The following USF3 variants were observed in gnomAD, a reference collection of about 807,000 sequenced individuals.
USF3 encodes basic helix-loop-helix domain-containing protein USF3.
Under a neutral mutation model 157.5 loss-of-function variants are expected in USF3, and 29 were observed. The observed-to-expected ratio is 0.18, with a 90% CI of 0.14 to 0.25. The LOEUF is 0.25. USF3 is among the 10% of genes least tolerant of loss of function. The pLI is 1.00. For synonymous variants in USF3, 893 were observed against 941.4 expected (o/e 0.95, Z 0.94); for missense variants, 2,381 against 2,667.6 (o/e 0.89, Z 2.37).
intron 5 of USF3, 36 bp downstream of exon 5, chr3:113,670,085 A>G (rs1274478935): frequency 5.1e-6 from 7 of 1,359,676 alleles, no homozygotes; most frequent in Non-Finnish European, 7.4e-6. Context: ...TTGTCTGTTC[A>G]TAAGTAATGA....
At position 113,658,905 on chromosome 3, in the gene USF3, G is replaced by A. The variant is rs767764500; in HGVS notation, c.2777C>T (p.Pro926Leu). ...AGCATCTGATAATGCTAAACTACTT[G>A]GTGGTTTATCCTGAGATGTCTCTTG... is the stretch of plus-strand genomic sequence containing the variant. The part of the protein sequence containing the change: ...LQQETSQDKP[P>L]SSLALSDAAK... Residue 926 changes from proline to leucine, a missense_variant, in exon 7 of 7, where the codon CCA (proline) becomes CTA (leucine). Pro to Leu is a moderately conservative substitution (Grantham distance 98). Transcript: ENST00000316407. 3 of 1,613,962 alleles carry A rather than the reference G, an allele frequency of 1.9e-6. No individual in the cohort carries two copies. The Admixed American group carries it at 5.0e-5, about 27-fold the overall frequency.
chr3:113,664,295 GA>G lies in USF3; in HGVS notation c.256+17del, dbSNP rs1947530218. The G allele has an allele frequency of 2.1e-6, 3 of 1,450,068 alleles. No individual in the cohort carries two copies. The Admixed American group carries it at 5.9e-5, about 28-fold the overall frequency. 89.8% of individuals were successfully genotyped at this position (1,450,068 alleles called of 1,614,324 possible). A position where few individuals can be genotyped will look rare whatever the true frequency, so the allele number is the denominator to read the frequency against. ...CATTTTAAAATACAACAAAAAGTAA[GA>G]ACTTTTAAATCTTTACCTTGTTCAT... On this transcript the variant is annotated intron_variant, in intron 6 of 6. Coordinates refer to ENST00000316407, the MANE Select transcript of USF3 (RefSeq NM_001009899.4).
At position 113,656,186 on chromosome 3, in the gene USF3, G is replaced by A. The variant is rs374611531; in HGVS notation, c.5496C>T (p.Val1832=). The change falls in exon 7 of 7, where the codon GTC becomes GTT. Residue 1832 remains valine, a synonymous_variant. Transcript: ENST00000316407. ...CTGAGAGTGACCTCTGGCTCCCAAT[G>A]ACCTGATCACTGAGGTGAGGGGCAA... ...SLLAPHLSDQ[V]IGSQRSLSEH... is the part of the protein sequence containing the mutation. 18 of 1,614,134 alleles carry A rather than the reference G, an allele frequency of 1.1e-5. No homozygotes were observed. The African/African-American group carries it at 1.6e-4, about 14-fold the overall frequency.
intron 1 of USF3, among the ~76,000 whole-genome samples, chr3:113,695,992 G>A (rs1381721132): frequency 6.6e-6 from 1 of 152,256 alleles, no homozygotes; most frequent in Non-Finnish European, 1.5e-5. Flanking sequence ...GACAGGAAAA[G>A]GTGAAGGAGG....
chr3:113,660,981 T>C lies in USF3; in HGVS notation c.701A>G (p.Gln234Arg). 1 of 1,614,138 alleles carries C rather than the reference T, an allele frequency of 6.2e-7. No homozygotes were observed. Among genetic ancestry groups the C allele is most frequent in the Non-Finnish European group, 8.5e-7 (1 of 1,179,998 alleles). Residue 234 changes from glutamine to arginine, a missense_variant, in exon 7 of 7, where the codon CAG (glutamine) becomes CGG (arginine). By Grantham distance (43) the Gln-to-Arg change is conservative. This residue lies in a region of USF3 where 1,435 missense variants were observed against 1,550.9 expected (regional missense o/e 0.93). Transcript: ENST00000316407. ...AGAGGTGGGAAGCTCGAGAATACTC[T>C]GAGCAGAAATGGCAGCAGGAAGACA... Reference protein sequence around the residue: ...PLCLPAAISAQSILELPTSES... With the variant: ...PLCLPAAISARSILELPTSES...
Position 113,657,949 on chromosome 3 carries a change from T to C in USF3, c.3733A>G (p.Ile1245Val). 1 of 1,614,182 alleles carries C rather than the reference T, an allele frequency of 6.2e-7. No homozygotes were observed. The highest frequency in any genetic ancestry group is 1.7e-5 in the Admixed American group (1 of 60,032). Residue 1245 changes from isoleucine (I) to valine (V), a missense_variant, in exon 7 of 7, where the codon ATC (isoleucine) becomes GTC (valine). Around this residue, in one of 6 missense-constraint regions of USF3, gnomAD observed 1,435 missense variants for 1,550.9 expected, o/e 0.93. Coordinates refer to ENST00000316407, the MANE Select transcript of USF3 (RefSeq NM_001009899.4). Reference protein sequence around the residue: ...SITSLSVNNLIHQSSISHPLA... With the variant: ...SITSLSVNNLVHQSSISHPLA... ...GGATGGCTGATGCTGCTCTGATGGA[T>C]AAGATTATTCACACTTAAACTGGTG...
At chr3:113,674,939 T>C (rs1461352693) in intron 2 of USF3, 43 bp from the exon 3 acceptor site, 17 of 1,315,992 alleles carry the variant, frequency 1.3e-5, no homozygotes, top group Admixed American at 1.8e-5. Flanking sequence ...TTAGTCATTC[T>C]AGAATCTTAC....
At chr3:113,665,800 C>T (rs1175564725) in intron 5 of USF3, among the ~76,000 whole-genome samples, 3 of 152,194 alleles carry the variant, frequency 2.0e-5, no homozygotes, top group Non-Finnish European at 4.4e-5. Flanking sequence ...TGCACTCCAG[C>T]TTGGGCAACA....
Position 113,660,129 on chromosome 3 carries a change from T to A in USF3, c.1553A>T (p.Gln518Leu), listed in dbSNP as rs1286312414. The part of the protein sequence containing the change: ...PLIAQPQVKS[Q>L]PPKNILPLNS... ...CAGTGGAAGGATATTTTTGGGAGGC[T>A]GAGATTTAACTTGTGGCTGGGCAAT... is the stretch of plus-strand genomic sequence containing the variant. Residue 518 changes from glutamine (Q) to leucine (L), a missense_variant, in exon 7 of 7, where the codon CAG becomes CTG. Coordinates refer to ENST00000316407, the MANE Select transcript of USF3 (RefSeq NM_001009899.4). 2 of 1,614,156 alleles carry A rather than the reference T, an allele frequency of 1.2e-6. No individual in the cohort carries two copies. Among genetic ancestry groups the A allele is most frequent in the Admixed American group, 3.3e-5 (2 of 60,010 alleles).
In USF3 at chr3:113,659,590, C is replaced by A. The variant is rs756195678; in HGVS notation, c.2092G>T (p.Asp698Tyr). 3 of 1,613,990 alleles carry A rather than the reference C, an allele frequency of 1.9e-6. No homozygotes were observed. The highest frequency in any genetic ancestry group is 2.5e-6 in the Non-Finnish European group (3 of 1,179,862). The change falls in exon 7 of 7, where the codon GAT becomes TAT. Residue 698 changes from aspartate to tyrosine, a missense_variant. Asp to Tyr is a radical substitution (Grantham distance 160). Coordinates refer to ENST00000316407, the MANE Select transcript of USF3 (RefSeq NM_001009899.4). ...MQIIQPTTSE[D>Y]PNTNVALNTF... ...TTCAGGGCAACATTGGTATTTGGAT[C>A]TTCGCTGGTGGTGGGTTGAATAATT...
At chr3:113,681,697 G>A (rs1260924029) in intron 1 of USF3, among the ~76,000 whole-genome samples, 3 of 149,372 alleles carry the variant, frequency 2.0e-5, no homozygotes, top group African/African-American at 7.4e-5. Flanking sequence ...ACCACACCCA[G>A]CAATATTATT....
In USF3 at chr3:113,657,633, G is replaced by A. The variant is rs750675135; in HGVS notation, c.4049C>T (p.Ala1350Val). Residue 1350 changes from alanine (A) to valine (V), a missense_variant, in exon 7 of 7, where the codon GCC becomes GTC. Around this residue, in one of 6 missense-constraint regions of USF3, gnomAD observed 1,435 missense variants for 1,550.9 expected, o/e 0.93. Transcript: ENST00000316407. ...GGACATACTTTCAAGCCTGAGGGGG[G>A]CTGGCTGACAGTGCTTTTGACGTTT... ...SAKRQKHCQPAPLRLESMSLM... is the reference protein window; with the variant it reads ...SAKRQKHCQPVPLRLESMSLM... 6.8e-6 allele frequency: 11 copies of A among 1,614,180 alleles called. No individual in the cohort carries two copies. In the South Asian group the frequency reaches 1.1e-4, roughly 16 times the overall value.
Position 113,649,824 on chromosome 3 carries a change from C to A in USF3, c.*5120G>T, listed in dbSNP as rs527954940. ...GACTGACTCAATCTAAATTTGGTGT[C>A]CCCCCTCCACAGGTTCTAGTAGAAA... On this transcript the variant is annotated 3_prime_UTR_variant, in exon 7 of 7. Transcript: ENST00000316407. The A allele has an allele frequency of 5.1e-5, 36 of 702,700 alleles. 2 individuals are homozygous for A. The highest frequency in any genetic ancestry group is 4.9e-4 in the South Asian group (33 of 67,552). 43.5% of individuals were successfully genotyped at this position (702,700 alleles called of 1,614,324 possible). A position where few individuals can be genotyped will look rare whatever the true frequency, so the allele number is the denominator to read the frequency against.
At chr3:113,673,527 A>G in intron 3 of USF3, 151 bp from the exon 4 acceptor site, 1 of 563,292 alleles carries the variant, frequency 1.8e-6, no homozygotes, top group Admixed American at 3.5e-5. Flanking sequence ...TCCTTAATAT[A>G]TATTATGGTA....
rs1304059293 is a variant in USF3, at chr3:113,655,446, G to A, written c.6236C>T (p.Ala2079Val). 6.2e-7 allele frequency: 1 copy of A among 1,614,144 alleles called. No homozygotes were observed. The change falls in exon 7 of 7, where the codon GCT becomes GTT. Residue 2079 changes from alanine (A) to valine (V), a missense_variant. By Grantham distance (64) the Ala-to-Val change is moderately conservative. This residue lies in a region of USF3 where 770 missense variants were observed against 824.2 expected (regional missense o/e 0.93). Transcript: ENST00000316407. ...AACCTGTGGAATGAAAGAAGCATTA[G>A]CATTTATTGGTGGATTCATGCCACC... Reference protein sequence around the residue: ...PEGGMNPPINANASFIPQVTQ... With the variant: ...PEGGMNPPINVNASFIPQVTQ...
At chr3:113,666,652 A>G (rs1170256580) in intron 5 of USF3, among the ~76,000 whole-genome samples, 2 of 147,112 alleles carry the variant, frequency 1.4e-5, no homozygotes, top group South Asian at 2.2e-4. Context: ...GCTCACTGCA[A>G]CCTCCGCCTC....
chr3:113,667,284 G>A (rs991381608), intron 5 of USF3, among the ~76,000 whole-genome samples: 4 of 152,208 alleles, frequency 2.6e-5, no homozygotes, highest in African/African-American at 9.6e-5. Flanking sequence ...GCAGACAGGG[G>A]CCAAAGCCTG....
chr3:113,654,813 A>C lies in USF3; in HGVS notation c.*131T>G, dbSNP rs1947323415. On this transcript the variant is annotated 3_prime_UTR_variant, in exon 7 of 7. Coordinates refer to ENST00000316407, the MANE Select transcript of USF3 (RefSeq NM_001009899.4). Reference sequence around the variant, plus strand: ...CATCTGACATGGCTTCCCTACATTCAGAAGATAACTGAAAACTGATTATAC... The same window carrying C: ...CATCTGACATGGCTTCCCTACATTCCGAAGATAACTGAAAACTGATTATAC... 1 of 1,020,442 alleles carries C rather than the reference A, an allele frequency of 9.8e-7. No homozygotes were observed. Among genetic ancestry groups the C allele is most frequent in the Non-Finnish European group, 1.4e-6 (1 of 728,870 alleles). The allele number at this position is 1,020,442 out of a possible 1,614,324, so 63.2% of individuals were successfully genotyped here.
rs1477210587 is a variant in USF3, at chr3:113,652,362, TGAC to T, written c.*2579_*2581del. 6.6e-6 allele frequency: 1 copy of T among 152,148 alleles called. No individual in the cohort carries two copies. Among genetic ancestry groups the T allele is most frequent in the East Asian group, 1.9e-4 (1 of 5,202 alleles). 9.4% of individuals were successfully genotyped at this position (152,148 alleles called of 1,614,324 possible). On this transcript the variant is annotated 3_prime_UTR_variant, in exon 7 of 7. Coordinates refer to ENST00000316407, the MANE Select transcript of USF3 (RefSeq NM_001009899.4). ...CACATTTTTCCTCAATAAAAAGTTT[TGAC>T]TACTGTGTTTATCTGTTGTCTTGAG...
Sources: gnomAD v4.1 joint callset for allele counts (sites outside exome capture counted in the v4.1 genomes callset) on GRCh38, gnomAD v4.1.1 for gene constraint, gnomAD v4.1.1 regional missense constraint, MANE v1.5 for transcripts, NCBI Gene and HGNC (gene_info 2026-07-23, HGNC 2026-07-21) for gene names.